Variants in CREB3L1 observed in about 807,000 individuals in gnomAD.
The protein encoded by CREB3L1 is cAMP responsive element binding protein 3 like 1.
Under a neutral mutation model 54.5 loss-of-function variants are expected in CREB3L1, and 33 were observed. The ratio of observed to expected loss-of-function variants is 0.61; its 90% CI spans 0.46 to 0.81. The LOEUF is 0.81. CREB3L1 is among the 30% of genes least tolerant of loss of function. The pLI is 0.00. For synonymous variants in CREB3L1, 284 were observed against 286.4 expected (o/e 0.99, Z 0.08); for missense variants, 656 against 673.3 (o/e 0.97, Z 0.29).
chr11:46,316,344 C>T lies in CREB3L1; in HGVS notation c.1090C>T (p.Pro364Ser). The change falls in exon 9 of 12, where the codon CCT (proline) becomes TCT (serine). Residue 364 changes from proline to serine, a missense_variant. Coordinates refer to ENST00000621158, the MANE Select transcript of CREB3L1 (RefSeq NM_052854.4). ...TCTGGTCACCAACAAGATCTCCAGACCTTACAAGATGGCCGCCACCCAGAC... is the reference window on the plus strand; with the variant it reads ...TCTGGTCACCAACAAGATCTCCAGATCTTACAAGATGGCCGCCACCCAGAC... ...QTLVTNKISR[P>S]YKMAATQTGT... 1 of 1,575,496 alleles carries T rather than the reference C, an allele frequency of 6.3e-7. No homozygotes were observed. Among genetic ancestry groups the T allele is most frequent in the Non-Finnish European group, 8.6e-7 (1 of 1,160,820 alleles).
intron 4 of CREB3L1, 170 bp from the exon 5 acceptor site, chr11:46,310,862 T>C (rs1939474280): frequency 1.4e-5 from 14 of 988,076 alleles, no homozygotes; most frequent in Non-Finnish European, 1.9e-5. Flanking sequence ...ATGTCAACTG[T>C]CTTTCTGACC....
intron 1 of CREB3L1, among the ~76,000 whole-genome samples, chr11:46,290,592 C>G (rs941723142): frequency 1.3e-5 from 2 of 151,924 alleles, no homozygotes; most frequent in African/African-American, 2.4e-5. Flanking sequence ...CCTTCCACCC[C>G]ACAAGTTCAG....
At chr11:46,300,790 G>A (rs1939286280) in intron 2 of CREB3L1, among the ~76,000 whole-genome samples, 1 of 152,068 alleles carries the variant, frequency 6.6e-6, no homozygotes, top group Admixed American at 6.5e-5. Flanking sequence ...CGGATCACTA[G>A]GTCAGGAGAT....
chr11:46,279,379 T>TG (rs1428467241), intron 1 of CREB3L1, among the ~76,000 whole-genome samples: 6 of 151,950 alleles, frequency 3.9e-5, no homozygotes, highest in Non-Finnish European at 8.8e-5. Flanking sequence ...CAAGGAGGCA[T>TG]GGGGGCTGAG....
chr11:46,309,525 A>G (rs994001873), intron 3 of CREB3L1, among the ~76,000 whole-genome samples: 2 of 152,216 alleles, frequency 1.3e-5, no homozygotes, highest in East Asian at 1.9e-4. Flanking sequence ...TTCTACTTCT[A>G]TTTATACCCC....
At chr11:46,285,847 A>C (rs1045714412) in intron 1 of CREB3L1, among the ~76,000 whole-genome samples, 1 of 152,206 alleles carries the variant, frequency 6.6e-6, no homozygotes, top group Non-Finnish European at 1.5e-5. Context: ...AACAAAAATG[A>C]AAGTAGCGAT....
At chr11:46,288,714 A>C (rs1939091558) in intron 1 of CREB3L1, among the ~76,000 whole-genome samples, 1 of 152,138 alleles carries the variant, frequency 6.6e-6, no homozygotes, top group East Asian at 1.9e-4. Flanking sequence ...GTGGGGGCCC[A>C]TATTTTGTAT....
chr11:46,298,334 G>GC (rs1427281385), intron 1 of CREB3L1, among the ~76,000 whole-genome samples: 2 of 152,180 alleles, frequency 1.3e-5, no homozygotes, highest in Non-Finnish European at 2.9e-5. Flanking sequence ...ACCTAAGGCA[G>GC]CCCCCCATCC....
At chr11:46,310,378 C>T (rs1057388041) in intron 4 of CREB3L1, among the ~76,000 whole-genome samples, 1 of 152,148 alleles carries the variant, frequency 6.6e-6, no homozygotes, top group Non-Finnish European at 1.5e-5. Flanking sequence ...AGCAATTCTC[C>T]TGTCTCAGCC....
rs771366062 is a variant in CREB3L1, at chr11:46,307,846, A to T, written c.362A>T (p.His121Leu). The change falls in exon 3 of 12, where the codon CAC becomes CTC. Residue 121 changes from histidine to leucine, a missense_variant. Coordinates refer to ENST00000621158, the MANE Select transcript of CREB3L1 (RefSeq NM_052854.4). ...DAEHGAWALG[H>L]KLCSIMVKQE... is the part of the protein sequence containing the mutation. ...GAGCATGGAGCATGGGCGCTGGGAC[A>T]CAAACTGTGCTCCATCATGGTGAAG... 3 of 1,582,344 alleles carry T rather than the reference A, an allele frequency of 1.9e-6. No homozygotes were observed. Among genetic ancestry groups the T allele is most frequent in the Non-Finnish European group, 2.6e-6 (3 of 1,164,328 alleles).
intron 3 of CREB3L1, among the ~76,000 whole-genome samples, 163 bp downstream of exon 3, chr11:46,308,163 C>A (rs1939430338): frequency 1.3e-5 from 2 of 149,682 alleles, no homozygotes. Flanking sequence ...CCTCCGCCTA[C>A]CCCCCTGGCT....
chr11:46,302,906 G>A (rs369134165), intron 2 of CREB3L1, among the ~76,000 whole-genome samples: 10 of 152,084 alleles, frequency 6.6e-5, no homozygotes, highest in African/African-American at 1.4e-4. Flanking sequence ...GCTTGAACCC[G>A]GGAGGCGGAG....
intron 10 of CREB3L1, 21 bp from the exon 11 acceptor site, chr11:46,320,243 C>T (rs1939627803): frequency 1.3e-6 from 2 of 1,564,966 alleles, no homozygotes; most frequent in East Asian, 2.3e-5. Context: ...GCACACCGCT[C>T]ATCCTACACT....
rs751949754 is a variant in CREB3L1, at chr11:46,300,096, C to T, written c.264C>T (p.Tyr88=). The change falls in exon 2 of 12, where the codon TAC becomes TAT. Residue 88 remains tyrosine, a synonymous_variant. Coordinates refer to ENST00000621158, the MANE Select transcript of CREB3L1 (RefSeq NM_052854.4). ...PTPGIQAEHS[Y]SLSGDSAPQS... is the part of the protein sequence containing the mutation. ...CAGGCATCCAGGCGGAGCACAGCTA[C>T]TCCCTGAGCGGCGACTCAGCGCCCC... 34 of 1,613,776 alleles carry T rather than the reference C, an allele frequency of 2.1e-5. 1 individual carries two copies. The South Asian group carries it at 3.7e-4, about 18-fold the overall frequency.
chr11:46,278,050 G>C lies in CREB3L1; in HGVS notation c.-62G>C. ...GCGCTCAGGCAGGAGCTCTGGACTGGGCGCGCCGCCGCCCTGGAGTGAGGG... is the reference window on the plus strand; with the variant it reads ...GCGCTCAGGCAGGAGCTCTGGACTGCGCGCGCCGCCGCCCTGGAGTGAGGG... On this transcript the variant is annotated 5_prime_UTR_variant, in exon 1 of 12. Coordinates refer to ENST00000621158, the MANE Select transcript of CREB3L1 (RefSeq NM_052854.4). The surrounding 1 kb of genome is among the most constrained non-coding windows in gnomAD (Gnocchi z 4.2). 1 of 1,059,776 alleles carries C rather than the reference G, an allele frequency of 9.4e-7. No individual in the cohort carries two copies. Among genetic ancestry groups the C allele is most frequent in the Non-Finnish European group, 1.4e-6 (1 of 734,986 alleles). 65.6% of individuals were successfully genotyped at this position (1,059,776 alleles called of 1,614,324 possible).
rs188327776 is a variant in CREB3L1 at position 46,284,104 on chromosome 11, C to T, written c.102+5891C>T. Reference sequence around the variant, plus strand: ...CATGTCCATTCCTTCAGCAACTGGGCACTGAAGGAACATCTATGCTGGTGC... The same window carrying T: ...CATGTCCATTCCTTCAGCAACTGGGTACTGAAGGAACATCTATGCTGGTGC... On this transcript the variant is annotated intron_variant, in intron 1 of 11. Transcript: ENST00000621158. Among the ~76,000 whole-genome samples, 31 of 152,250 alleles carry T rather than the reference C, an allele frequency of 2.0e-4. 1 individual carries two copies. In the East Asian group the frequency reaches 5.6e-3, roughly 27 times the overall value.
At chr11:46,297,547 G>T (rs1939231494) in intron 1 of CREB3L1, among the ~76,000 whole-genome samples, 1 of 148,758 alleles carries the variant, frequency 6.7e-6, no homozygotes, top group Admixed American at 6.7e-5. Context: ...TAGCGCCCTT[G>T]GCCTCAGTTT....
chr11:46,278,922 C>T lies in CREB3L1; in HGVS notation c.102+709C>T, dbSNP rs1317104629. ...CTTCTTGACTAGGTCCGACTGTGAG[C>T]TTGTCTTTCTCCTCTTTCTCACTCT... On this transcript the variant is annotated intron_variant, in intron 1 of 11. Coordinates refer to ENST00000621158, the MANE Select transcript of CREB3L1 (RefSeq NM_052854.4). This position sits in a 1 kb window ranked among gnomAD's most constrained non-coding sequence, Gnocchi z 4.2. Among the ~76,000 whole-genome samples, 1 of 152,210 alleles carries T rather than the reference C, an allele frequency of 6.6e-6. No individual in the cohort carries two copies. The highest frequency in any genetic ancestry group is 2.4e-5 in the African/African-American group (1 of 41,456).
At chr11:46,287,465 A>AT (rs1939071004) in intron 1 of CREB3L1, among the ~76,000 whole-genome samples, 1 of 151,690 alleles carries the variant, frequency 6.6e-6, no homozygotes, top group African/African-American at 2.4e-5. Flanking sequence ...TGTCTGGCTA[A>AT]TTTTTTGTAT....
Sources: allele counts gnomAD v4.1 joint callset (sites outside exome capture counted in the v4.1 genomes callset), GRCh38; gene constraint gnomAD v4.1.1; non-coding constraint Gnocchi (gnomAD v3.1); transcripts MANE v1.5; gene names NCBI Gene and HGNC (gene_info 2026-07-23, HGNC 2026-07-21).